The following RASD2 variants were observed in gnomAD, a reference collection of about 807,000 sequenced individuals.
RASD2 encodes GTP-binding protein Rhes.
RASD2 carries 7 observed loss-of-function variants against 15.8 expected under a neutral mutation model. That is an observed-to-expected ratio of 0.44 (90% CI 0.25 to 0.83). The LOEUF (loss-of-function observed/expected upper bound fraction) is 0.83. Among genes scored for constraint, RASD2 ranks in the 40% least tolerant of loss-of-function variants. The probability of loss-of-function intolerance (pLI) is 0.20; values close to 1 mark genes in which losing one functional copy is unlikely to be tolerated. For synonymous variants in RASD2, 155 were observed against 153.6 expected (o/e 1.01, Z -0.07); for missense variants, 274 against 382.8 (o/e 0.72, Z 2.37).
At chr22:35,544,628 C>A (rs913549231) in intron 1 of RASD2, among the ~76,000 whole-genome samples, 1 of 152,168 alleles carries the variant, frequency 6.6e-6, no homozygotes, top group Admixed American at 6.5e-5. Flanking sequence ...TAGGTGGGAG[C>A]TGGGTGGGGG....
At chr22:35,539,298 A>T (rs1934290113), upstream of RASD2, among the ~76,000 whole-genome samples, 1 of 152,098 alleles carries the variant, frequency 6.6e-6, no homozygotes, top group African/African-American at 2.4e-5. Flanking sequence ...CGGAGACAGG[A>T]CTTGAACGCC....
In RASD2 at chr22:35,540,919, C is replaced by G. The variant is rs1934328432; in HGVS notation, c.-591C>G. On this transcript the variant is annotated 5_prime_UTR_variant, in exon 1 of 3. Coordinates refer to ENST00000216127, the MANE Select transcript of RASD2 (RefSeq NM_014310.4). ...CGGCGCTGGGAGAGCTGCAGAGCCG[C>G]GGGCAGAGAAGGAGGCCGCGGCCGA... The G allele has an allele frequency of 6.6e-6, 1 of 152,570 alleles. No homozygotes were observed. Among genetic ancestry groups the G allele is most frequent in the South Asian group, 2.1e-4 (1 of 4,836 alleles). The allele number at this position is 152,570 out of a possible 1,614,324, so 9.5% of individuals were successfully genotyped here.
Position 35,551,981 on chromosome 22 carries a change from G to A in RASD2, c.750G>A (p.Lys250=), listed in dbSNP as rs1170843168. Residue 250 remains lysine, a synonymous_variant, in exon 3 of 3, where the codon AAG becomes AAA. Coordinates refer to ENST00000216127, the MANE Select transcript of RASD2 (RefSeq NM_014310.4). This position sits in a 1 kb window ranked among gnomAD's most constrained non-coding sequence, Gnocchi z 4.9. ...GTGACCTCAAGTACATCAAGGCCAA[G>A]GTCCTTCGGGAAGGCCAGGCCCGTG... ...VNSDLKYIKA[K]VLREGQARER... The A allele has an allele frequency of 1.2e-6, 2 of 1,601,678 alleles. No individual in the cohort carries two copies. The highest frequency in any genetic ancestry group is 1.7e-6 in the Non-Finnish European group (2 of 1,179,924).
At chr22:35,533,520 GTAA>G in the RASD2 span, among the ~76,000 whole-genome samples, 9 of 151,942 alleles carry the variant, frequency 5.9e-5, no homozygotes, top group South Asian at 2.1e-4. Flanking sequence ...GGTGATGATG[GTAA>G]TAATGATAGT....
chr22:35,534,944 T>C, the RASD2 span, among the ~76,000 whole-genome samples: 1 of 152,208 alleles, frequency 6.6e-6, no homozygotes, highest in Non-Finnish European at 1.5e-5. Flanking sequence ...AACATTCTTG[T>C]TGGACAGAGG....
At chr22:35,539,215 C>A (rs141757185), upstream of RASD2, among the ~76,000 whole-genome samples, 1,252 of 152,316 alleles carry the variant, frequency 8.2e-3, 6 homozygotes, top group Non-Finnish European at 0.012. Flanking sequence ...AATATCATAC[C>A]CATTTTAGAG....
the RASD2 span, among the ~76,000 whole-genome samples, chr22:35,533,368 A>G: frequency 6.6e-6 from 1 of 152,256 alleles, no homozygotes; most frequent in South Asian, 2.1e-4. Context: ...TTGTGTCTCC[A>G]TTTGGACCAC....
Position 35,551,533 on chromosome 22 carries a change from A to G in RASD2, c.302A>G (p.Asp101Gly). 6.2e-7 allele frequency: 1 copy of G among 1,612,042 alleles called. No individual in the cohort carries two copies. The highest frequency in any genetic ancestry group is 8.5e-7 in the Non-Finnish European group (1 of 1,178,310). ...GDVFILVFSL[D>G]NRESFDEVKR... is the part of the protein sequence containing the mutation. ...GTCTTCATCCTGGTGTTCAGCCTGG[A>G]TAACCGGGAGTCCTTCGATGAGGTC... Residue 101 changes from aspartate to glycine, a missense_variant, in exon 3 of 3, where the codon GAT becomes GGT. Asp to Gly is a moderately conservative substitution (Grantham distance 94). Transcript: ENST00000216127. The surrounding 1 kb of genome is among the most constrained non-coding windows in gnomAD (Gnocchi z 4.9).
Position 35,551,394 on chromosome 22 carries a change from C to A in RASD2, c.272-109C>A. 1 of 1,139,808 alleles carries A rather than the reference C, an allele frequency of 8.8e-7. No homozygotes were observed. Among genetic ancestry groups the A allele is most frequent in the Non-Finnish European group, 1.3e-6 (1 of 788,340 alleles). The allele number at this position is 1,139,808 out of a possible 1,614,324, so 70.6% of individuals were successfully genotyped here. ...TTAAAGCAGTTATGCCGCATAACTG[C>A]TTCAGGGCACCTGTGACTCCCAGCT... On this transcript the variant is annotated intron_variant, in intron 2 of 2. Transcript: ENST00000216127. This position sits in a 1 kb window ranked among gnomAD's most constrained non-coding sequence, Gnocchi z 4.9.
At chr22:35,548,634 C>T (rs1259963448) in intron 2 of RASD2, among the ~76,000 whole-genome samples, 3 of 152,232 alleles carry the variant, frequency 2.0e-5, no homozygotes, top group Non-Finnish European at 4.4e-5. Context: ...GGGGTGGCCC[C>T]TCCTTGAGTG....
At chr22:35,550,440 CAAA>C (rs397838574) in intron 2 of RASD2, among the ~76,000 whole-genome samples, 1,402 of 64,258 alleles carry the variant, frequency 0.022, 13 homozygotes, top group African/African-American at 0.081. Flanking sequence ...GACTCCATCT[CAAA>C]AAAAAAAAAA....
upstream of RASD2, among the ~76,000 whole-genome samples, chr22:35,538,847 G>A (rs1438435010): frequency 6.6e-6 from 1 of 152,218 alleles, no homozygotes; most frequent in Non-Finnish European, 1.5e-5. Flanking sequence ...CCACTGCCAA[G>A]TTCACTGCCA....
rs1934341956 is a variant in RASD2 at position 35,541,297 on chromosome 22, GCACCTGCC to G, written c.-211_-204del. The G allele has an allele frequency of 6.6e-6, 1 of 152,048 alleles. No individual in the cohort carries two copies. The highest frequency in any genetic ancestry group is 2.4e-5 in the African/African-American group (1 of 41,386). The allele number at this position is 152,048 out of a possible 1,614,324, so 9.4% of individuals were successfully genotyped here. On this transcript the variant is annotated 5_prime_UTR_variant, in exon 1 of 3. It removes the in-frame stop codon of an upstream open reading frame in the 5' UTR. Transcript: ENST00000216127. ...CGAGCCCTCGGAGCCCACCCATGGG[GCACCTGCC>G]CCTTGCGCCTCCTTGCCCGGCCGCG...
rs1444332171 is a variant in RASD2, at chr22:35,552,111, C to T, written c.*79C>T. 1.3e-6 allele frequency: 2 copies of T among 1,490,248 alleles called. No individual in the cohort carries two copies. The highest frequency in any genetic ancestry group is 2.0e-5 in the Admixed American group (1 of 50,570). 92.3% of individuals were successfully genotyped at this position (1,490,248 alleles called of 1,614,324 possible). On this transcript the variant is annotated 3_prime_UTR_variant, in exon 3 of 3. Transcript: ENST00000216127. The stretch of plus-strand genomic sequence containing the variant: ...ATGCCCACTGTGCGCATCTCCCCAC[C>T]GAGGCCCCGGCAGCAGTCTTGTTCA...
At chr22:35,537,158 C>G (rs575410713), upstream of RASD2, among the ~76,000 whole-genome samples, 1 of 152,304 alleles carries the variant, frequency 6.6e-6, no homozygotes, top group East Asian at 1.9e-4. Context: ...TGAACAGTCT[C>G]CCTGAACCTC....
chr22:35,536,752 ACCAGGTGGCCTGG>A (rs1934252781), upstream of RASD2, among the ~76,000 whole-genome samples: 1 of 152,132 alleles, frequency 6.6e-6, no homozygotes, highest in East Asian at 1.9e-4. Flanking sequence ...GCTGGTTAAA[ACCAGGTGGCCTGG>A]CCTCACTCCC....
chr22:35,538,776 C>T (rs1229157192), upstream of RASD2, among the ~76,000 whole-genome samples: 5 of 152,232 alleles, frequency 3.3e-5, no homozygotes, highest in African/African-American at 1.2e-4. Context: ...AGAGCTGGCC[C>T]AGCGACCTGA....
upstream of RASD2, among the ~76,000 whole-genome samples, chr22:35,539,956 C>T (rs1328873067): frequency 2.0e-5 from 3 of 152,352 alleles, no homozygotes; most frequent in African/African-American, 7.2e-5. Context: ...GTCTCTGAGA[C>T]TCGCATGCCT....
chr22:35,552,159 A>G lies in RASD2; in HGVS notation c.*127A>G. 7.8e-7 allele frequency: 1 copy of G among 1,281,522 alleles called. No homozygotes were observed. The highest frequency in any genetic ancestry group is 1.5e-5 in the South Asian group (1 of 65,882). The allele number at this position is 1,281,522 out of a possible 1,614,324, so 79.4% of individuals were successfully genotyped here. A position where few individuals can be genotyped will look rare whatever the true frequency, so the allele number is the denominator to read the frequency against. On this transcript the variant is annotated 3_prime_UTR_variant, in exon 3 of 3. Coordinates refer to ENST00000216127, the MANE Select transcript of RASD2 (RefSeq NM_014310.4). ...TCACAGACCTTAGGCACCAGACTGG[A>G]GGCCCCCGGGCGCTGGCCTCCGCAC...
Sources: allele counts gnomAD v4.1 joint callset (sites outside exome capture counted in the v4.1 genomes callset), GRCh38; gene constraint gnomAD v4.1.1; non-coding constraint Gnocchi (gnomAD v3.1); transcripts MANE v1.5; gene names NCBI Gene and HGNC (gene_info 2026-07-23, HGNC 2026-07-21).